PRIM2: variants seen among roughly 807,000 people sequenced by gnomAD.
PRIM2 encodes the protein DNA primase subunit 2.
PRIM2 carries 39 observed loss-of-function variants against 67.3 expected under a neutral mutation model. The observed-to-expected ratio is 0.58, with a 90% CI of 0.45 to 0.76. The LOEUF (loss-of-function observed/expected upper bound fraction) is 0.76. PRIM2 is among the 30% of genes least tolerant of loss of function. The pLI, the probability that PRIM2 is intolerant of heterozygous loss-of-function variation, is 0.00. For synonymous variants in PRIM2, 143 were observed against 198.7 expected (o/e 0.72, Z 2.36); for missense variants, 398 against 598.7 (o/e 0.66, Z 3.50).
At chr6:57,501,206 A>G (rs1774123152) in intron 7 of PRIM2, among the ~76,000 whole-genome samples, 1 of 152,194 alleles carries the variant, frequency 6.6e-6, no homozygotes, top group Non-Finnish European at 1.5e-5. Context: ...AAAAGAAAAA[A>G]TATTTTCTGT....
At chr6:57,437,458 C>T (rs909326309) in intron 7 of PRIM2, among the ~76,000 whole-genome samples, 1 of 152,160 alleles carries the variant, frequency 6.6e-6, no homozygotes, top group African/African-American at 2.4e-5. Context: ...TCTATGTGCT[C>T]CTGCTCAAAC....
chr6:57,449,802 C>T (rs1329832485), intron 7 of PRIM2, among the ~76,000 whole-genome samples: 1 of 151,906 alleles, frequency 6.6e-6, no homozygotes, highest in Non-Finnish European at 1.5e-5. Context: ...TGAAATAGAC[C>T]TCCAAGTATG....
chr6:57,331,425 A>G (rs1209201122), intron 5 of PRIM2, among the ~76,000 whole-genome samples: 2 of 152,124 alleles, frequency 1.3e-5, no homozygotes, highest in Non-Finnish European at 2.9e-5. Context: ...TTGGCCTCAT[A>G]GAATGAGTTG....
At position 57,507,393 on chromosome 6, in the gene PRIM2, G is replaced by A; in HGVS notation, c.700G>A (p.Ala234Thr). ...TTTTCTTCCCTGCTTTTAGTTAACA[G>A]CCAGGTCCTTGCCTGCTGTGCAGTC... Reference protein sequence around the residue: ...AKLSKALALTARSLPAVQSDE... With the variant: ...AKLSKALALTTRSLPAVQSDE... Residue 234 changes from alanine to threonine, a missense_variant, in exon 8 of 14, where the codon GCC becomes ACC. Physicochemically the swap from Ala to Thr is moderately conservative, Grantham distance 58 (BLOSUM62 0). Transcript: ENST00000615550. The A allele has an allele frequency of 6.5e-7, 1 of 1,536,602 alleles. No individual in the cohort carries two copies. Among genetic ancestry groups the A allele is most frequent in the Non-Finnish European group, 8.7e-7 (1 of 1,142,936 alleles).
the PRIM2 span, among the ~76,000 whole-genome samples, chr6:57,271,638 C>T: frequency 1.3e-5 from 2 of 151,838 alleles, no homozygotes; most frequent in South Asian, 2.1e-4. Flanking sequence ...TCAGTTCTGC[C>T]CTGATCTTAG....
chr6:57,545,560 A>T (rs1472334317), intron 10 of PRIM2, among the ~76,000 whole-genome samples: 5 of 152,164 alleles, frequency 3.3e-5, no homozygotes, highest in African/African-American at 4.8e-5. Flanking sequence ...CCTTCCAAGT[A>T]GCTGGGATTA....
At chr6:57,418,831 G>T in intron 7 of PRIM2, among the ~76,000 whole-genome samples, 1 of 152,128 alleles carries the variant, frequency 6.6e-6, no homozygotes, top group East Asian at 1.9e-4. Flanking sequence ...TTAGAAACTA[G>T]ATTAATTATC....
chr6:57,597,576 C>T lies in PRIM2; in HGVS notation c.1021-3517C>T, dbSNP rs1299072430. ...TGTTTTAATTTAATTTAATATAATC[C>T]CCATAGCAATTTAATGCATTAATAT... is the stretch of plus-strand genomic sequence containing the variant. On this transcript the variant is annotated intron_variant, in intron 10 of 13. Coordinates refer to ENST00000615550, the MANE Select transcript of PRIM2 (RefSeq NM_000947.5). 1.2e-3 allele frequency among the ~76,000 whole-genome samples: 176 copies of T among 152,082 alleles called. 2 individuals carry two copies. The East Asian group carries it at 0.016, about 14-fold the overall frequency.
the PRIM2 span, among the ~76,000 whole-genome samples, chr6:57,254,209 C>A: frequency 6.6e-6 from 1 of 152,208 alleles, no homozygotes; most frequent in African/African-American, 2.4e-5. Context: ...CATTGTTCTA[C>A]CTCATTACTG....
At chr6:57,483,273 T>G (rs1773672869) in intron 7 of PRIM2, among the ~76,000 whole-genome samples, 1 of 152,302 alleles carries the variant, frequency 6.6e-6, no homozygotes, top group African/African-American at 2.4e-5. Context: ...TGGCTTTGAT[T>G]AAAGCCTCAG....
At chr6:57,529,999 A>G (rs1215350078) in intron 8 of PRIM2, among the ~76,000 whole-genome samples, 1 of 151,990 alleles carries the variant, frequency 6.6e-6, no homozygotes, top group Non-Finnish European at 1.5e-5. Context: ...TGCCAGCTCA[A>G]GTCTCTCTTC....
chr6:57,599,032 C>T (rs1776417175), intron 10 of PRIM2, among the ~76,000 whole-genome samples: 1 of 58,510 alleles, frequency 1.7e-5, no homozygotes, highest in Admixed American at 1.6e-4. Context: ...CTGCAAGCTC[C>T]GCCTCCCGGG....
chr6:57,479,728 T>C (rs1773568806), intron 7 of PRIM2, among the ~76,000 whole-genome samples: 1 of 152,240 alleles, frequency 6.6e-6, no homozygotes, highest in African/African-American at 2.4e-5. Context: ...GATAAAGACC[T>C]GGCAACATTT....
chr6:57,337,829 G>A (rs1252074170), intron 5 of PRIM2, among the ~76,000 whole-genome samples: 2 of 152,096 alleles, frequency 1.3e-5, no homozygotes, highest in Non-Finnish European at 2.9e-5. Flanking sequence ...AATTTAAAAG[G>A]TAGCAGAAGG....
At position 57,492,366 on chromosome 6, in the gene PRIM2, A is replaced by T. The variant is rs1773914662; in HGVS notation, c.694-15021A>T. 3.9e-5 allele frequency among the ~76,000 whole-genome samples: 6 copies of T among 152,166 alleles called. No individual in the cohort carries two copies. In the South Asian group the frequency reaches 1.2e-3, roughly 32 times the overall value. On this transcript the variant is annotated intron_variant, in intron 7 of 13. Coordinates refer to ENST00000615550, the MANE Select transcript of PRIM2 (RefSeq NM_000947.5). ...GAGACCAGCCTGGCCAACATGGTGA[A>T]ACCCTATCTCTACTAAAAATACAAA...
intron 10 of PRIM2, among the ~76,000 whole-genome samples, chr6:57,578,888 G>C (rs2127484221): frequency 6.6e-6 from 1 of 151,662 alleles, no homozygotes; most frequent in Admixed American, 6.6e-5. Flanking sequence ...GTGTTAGCCA[G>C]GATGGTCTCG....
chr6:57,377,080 G>C (rs1331632326), intron 5 of PRIM2, among the ~76,000 whole-genome samples: 1 of 151,072 alleles, frequency 6.6e-6, no homozygotes, highest in African/African-American at 2.4e-5. Context: ...AGTAGAGATG[G>C]GGTTTCACCA....
chr6:57,444,383 A>T (rs1772297480), intron 7 of PRIM2, among the ~76,000 whole-genome samples: 1 of 152,150 alleles, frequency 6.6e-6, no homozygotes, highest in Non-Finnish European at 1.5e-5. Context: ...CCTGACGAAC[A>T]TACTGAAACC....
chr6:57,482,131 A>C (rs1293471564), intron 7 of PRIM2, among the ~76,000 whole-genome samples: 7 of 151,248 alleles, frequency 4.6e-5, no homozygotes, highest in Admixed American at 1.3e-4. Flanking sequence ...CCAAAGGGTC[A>C]AGATATTGTT....
Sources: allele counts gnomAD v4.1 joint callset (sites outside exome capture counted in the v4.1 genomes callset), GRCh38; gene constraint gnomAD v4.1.1; transcripts MANE v1.5; gene names NCBI Gene and HGNC (gene_info 2026-07-23, HGNC 2026-07-21).